Variants in KALRN observed in about 807,000 individuals in gnomAD.
KALRN encodes the protein kalirin.
KALRN carries 70 observed loss-of-function variants against 353.7 expected under a neutral mutation model. The ratio of observed to expected loss-of-function variants is 0.20; its 90% confidence interval spans 0.16 to 0.24. The LOEUF (loss-of-function observed/expected upper bound fraction) is 0.24. Ranked by LOEUF, KALRN falls within the 10% of genes least tolerant of loss-of-function variation. The pLI is 1.00. For synonymous variants in KALRN, 1,391 were observed against 1,434.8 expected (o/e 0.97, Z 0.69); for missense variants, 2,791 against 3,756.7 (o/e 0.74, Z 6.72).
At chr3:124,687,675 T>TTTTTTTTTTTTTTTGAG (rs1553732285) in intron 51 of KALRN, among the ~76,000 whole-genome samples, 1 of 151,294 alleles carries the variant, frequency 6.6e-6, no homozygotes, top group Admixed American at 6.7e-5. Context: ...GGAATTTTTT[T>TTTTTTTTTTTTTTTGAG]ACAAAAATTG....
intron 14 of KALRN, among the ~76,000 whole-genome samples, chr3:124,421,170 A>G (rs918287230): frequency 6.6e-6 from 1 of 152,202 alleles, no homozygotes; most frequent in African/African-American, 2.4e-5. Flanking sequence ...AGCCAGGTGG[A>G]CTCAGGGATC....
At chr3:124,034,671 C>T (rs1270406991) in intron 1 of KALRN, among the ~76,000 whole-genome samples, 2 of 152,084 alleles carry the variant, frequency 1.3e-5, no homozygotes, top group Non-Finnish European at 1.5e-5. Flanking sequence ...CCCTTATCTT[C>T]CACCACCTGT....
At chr3:124,535,162 A>T (rs994858867) in intron 33 of KALRN, among the ~76,000 whole-genome samples, 3 of 152,042 alleles carry the variant, frequency 2.0e-5, no homozygotes, top group Non-Finnish European at 4.4e-5. Context: ...GGATGGGGGG[A>T]TATTTCCTAT....
chr3:124,116,103 A>G (rs1470677935), intron 1 of KALRN, among the ~76,000 whole-genome samples: 2 of 152,194 alleles, frequency 1.3e-5, no homozygotes, highest in Non-Finnish European at 2.9e-5. Context: ...TGGATGTTAT[A>G]TTCATGAGGC....
intron 14 of KALRN, among the ~76,000 whole-genome samples, chr3:124,420,183 G>T (rs953664188): frequency 2.0e-5 from 3 of 152,228 alleles, no homozygotes; most frequent in Admixed American, 2.0e-4. Flanking sequence ...TGAGATGGAT[G>T]AAAATGCAGG....
intron 21 of KALRN, among the ~76,000 whole-genome samples, chr3:124,454,393 C>T (rs897390639): frequency 2.0e-5 from 3 of 152,214 alleles, no homozygotes; most frequent in Non-Finnish European, 4.4e-5. Flanking sequence ...ACCTGCATCA[C>T]TTCCCTCCAC....
At chr3:124,396,135 G>A (rs555106898) in intron 12 of KALRN, among the ~76,000 whole-genome samples, 1 of 152,212 alleles carries the variant, frequency 6.6e-6, no homozygotes, top group African/African-American at 2.4e-5. Context: ...TGCCCACAGG[G>A]ACTTTTTCCT....
At chr3:124,522,016 G>A (rs572497393) in intron 33 of KALRN, among the ~76,000 whole-genome samples, 60 of 152,140 alleles carry the variant, frequency 3.9e-4, no homozygotes, top group African/African-American at 1.4e-3. Flanking sequence ...AAATAACACA[G>A]CATATTAGAA....
At chr3:124,299,984 C>T (rs1323084270) in intron 6 of KALRN, among the ~76,000 whole-genome samples, 1 of 152,140 alleles carries the variant, frequency 6.6e-6, no homozygotes, top group Non-Finnish European at 1.5e-5. Context: ...CACCATTCCT[C>T]ATATATCTGA....
intron 1 of KALRN, chr3:124,096,053 C>T (rs1000644509): frequency 3.3e-5 from 5 of 151,770 alleles, no homozygotes; most frequent in African/African-American, 1.2e-4. Flanking sequence ...GAGAAACAGG[C>T]CAGTGGGAGC....
At chr3:124,518,333 A>G in intron 33 of KALRN, 3 of 1,320,168 alleles carry the variant, frequency 2.3e-6, no homozygotes, top group East Asian at 2.3e-5. Flanking sequence ...TATAAGGGCT[A>G]CGGGATCTCA....
At chr3:124,424,005 G>T (rs571287258) in intron 15 of KALRN, among the ~76,000 whole-genome samples, 1 of 152,262 alleles carries the variant, frequency 6.6e-6, no homozygotes, top group South Asian at 2.1e-4. Context: ...GAGTGCTATG[G>T]GCCTGTTACA....
intron 1 of KALRN, among the ~76,000 whole-genome samples, chr3:124,118,288 C>A (rs193028672): frequency 6.6e-6 from 1 of 152,274 alleles, no homozygotes; most frequent in African/African-American, 2.4e-5. Flanking sequence ...ATGGCTCTGG[C>A]TGCCACTTGG....
intron 4 of KALRN, among the ~76,000 whole-genome samples, chr3:124,265,015 CT>C (rs1189207319): frequency 2.0e-5 from 3 of 152,098 alleles, no homozygotes; most frequent in Non-Finnish European, 4.4e-5. Flanking sequence ...TGTAGCAATT[CT>C]TTTTTTATTG....
At chr3:124,518,521 C>A in intron 33 of KALRN, 3 of 1,612,894 alleles carry the variant, frequency 1.9e-6, no homozygotes, top group Non-Finnish European at 2.5e-6. Context: ...CCGTTGGGAC[C>A]TCCCACCAGG....
At position 124,434,403 on chromosome 3, in the gene KALRN, G is replaced by A. The variant is rs139299626; in HGVS notation, c.2926G>A (p.Ala976Thr). The change falls in exon 17 of 60, where the codon GCC (alanine) becomes ACC (threonine). Residue 976 changes from alanine (A) to threonine (T), a missense_variant. By Grantham distance (58) the Ala-to-Thr change is moderately conservative. Coordinates refer to ENST00000682506, the MANE Select transcript of KALRN (RefSeq NM_001388419.1). Reference protein sequence around the residue: ...EVLLQAGHYDADAIRECAEKV... With the variant: ...EVLLQAGHYDTDAIRECAEKV... ...GCTGCTCCAGGCCGGCCACTACGAT[G>A]CCGATGCCATCCGGGAATGTGCTGA... is the stretch of plus-strand genomic sequence containing the variant. 479 of 1,614,192 alleles carry A rather than the reference G, an allele frequency of 3.0e-4. 1 individual carries two copies. Among genetic ancestry groups the A allele is most frequent in the Middle Eastern group, 2.5e-3 (15 of 6,050 alleles).
intron 12 of KALRN, among the ~76,000 whole-genome samples, chr3:124,395,982 A>G (rs376010175): frequency 6.5e-4 from 99 of 152,290 alleles, no homozygotes; most frequent in African/African-American, 1.7e-3. Flanking sequence ...CCTCCTTTCT[A>G]TTGGCATCAA....
chr3:124,563,998 T>C (rs1453969765), intron 34 of KALRN, among the ~76,000 whole-genome samples: 1 of 124,186 alleles, frequency 8.1e-6, no homozygotes. Context: ...AGAGCGAGAC[T>C]CTGTCTCAAA....
intron 1 of KALRN, among the ~76,000 whole-genome samples, chr3:124,217,537 C>CA (rs532702473): frequency 2.6e-3 from 388 of 152,044 alleles, no homozygotes; most frequent in African/African-American, 8.6e-3. Context: ...AAAACAATAC[C>CA]AAAAAAACCT....
Sources: gnomAD v4.1 joint callset for allele counts (sites outside exome capture counted in the v4.1 genomes callset) on GRCh38, gnomAD v4.1.1 for gene constraint, MANE v1.5 for transcripts, NCBI Gene and HGNC (gene_info 2026-07-23, HGNC 2026-07-21) for gene names.